The following DLGAP2 variants were observed in gnomAD, a reference collection of about 807,000 sequenced individuals.
DLGAP2 encodes disks large-associated protein 2.
Under a neutral mutation model 100.3 loss-of-function variants are expected in DLGAP2, and 26 were observed. The ratio of observed to expected loss-of-function variants is 0.26; its 90% confidence interval spans 0.19 to 0.36. The LOEUF (loss-of-function observed/expected upper bound fraction) is 0.36. DLGAP2 is among the 10% of genes least tolerant of loss of function. The probability of loss-of-function intolerance (pLI) is 1.00; values close to 1 mark genes in which losing one functional copy is unlikely to be tolerated. For missense variants in DLGAP2, 1,858 were observed against 1,453.2 expected (o/e 1.28, Z -4.53); for synonymous variants, 886 against 630.1 (o/e 1.41, Z -6.08).
intron 2 of DLGAP2, among the ~76,000 whole-genome samples, chr8:1,173,659 G>C (rs554173341): frequency 6.6e-6 from 1 of 152,160 alleles, no homozygotes. Flanking sequence ...TCAGCAAGAC[G>C]TTATGGGCGT....
intron 6 of DLGAP2, among the ~76,000 whole-genome samples, chr8:1,586,944 G>A (rs1030433344): frequency 6.6e-6 from 1 of 152,208 alleles, no homozygotes; most frequent in Non-Finnish European, 1.5e-5. Context: ...AGGAGATTCT[G>A]ACTAGAATGG....
Position 835,910 on chromosome 8 carries a change from T to A in DLGAP2, c.19-72002T>A, listed in dbSNP as rs1018266723. 5.9e-5 allele frequency among the ~76,000 whole-genome samples: 9 copies of A among 152,206 alleles called. 1 individual carries two copies. Among genetic ancestry groups the A allele is most frequent in the Admixed American group, 2.6e-4 (4 of 15,282 alleles). Reference sequence around the variant, plus strand: ...TCCTGTTACGCTGCCGTAACTGTGATGTTTGTGTATCCATCCCTTCATGTA... The same window carrying A: ...TCCTGTTACGCTGCCGTAACTGTGAAGTTTGTGTATCCATCCCTTCATGTA... On this transcript the variant is annotated intron_variant, in intron 1 of 14. Transcript: ENST00000637795.
chr8:872,110 C>T (rs914407199), intron 1 of DLGAP2, among the ~76,000 whole-genome samples: 1 of 151,984 alleles, frequency 6.6e-6, no homozygotes, highest in Non-Finnish European at 1.5e-5. Flanking sequence ...ATGTGGTTTT[C>T]TTTATGCTAT....
At chr8:1,131,338 C>A (rs1585089572) in intron 2 of DLGAP2, among the ~76,000 whole-genome samples, 1 of 152,160 alleles carries the variant, frequency 6.6e-6, no homozygotes, top group African/African-American at 2.4e-5. Flanking sequence ...TGTATCTGTT[C>A]TGGATACTCC....
intron 2 of DLGAP2, among the ~76,000 whole-genome samples, chr8:1,094,025 C>T (rs986491558): frequency 3.4e-5 from 5 of 146,820 alleles, no homozygotes; most frequent in Non-Finnish European, 6.0e-5. Context: ...GGCAGCTTCG[C>T]GGTGGGTGGA....
chr8:787,565 C>T (rs550493278), intron 1 of DLGAP2, among the ~76,000 whole-genome samples: 2 of 152,232 alleles, frequency 1.3e-5, no homozygotes, highest in Non-Finnish European at 2.9e-5. Context: ...GTCTCCCCTG[C>T]AGCCTTACTT....
chr8:1,330,628 A>G (rs1351841084), intron 3 of DLGAP2, among the ~76,000 whole-genome samples: 8 of 97,528 alleles, frequency 8.2e-5, no homozygotes, highest in East Asian at 3.5e-4. Flanking sequence ...GCACCGCTTC[A>G]CGGGGACCGA....
chr8:1,707,632 A>G lies in DLGAP2; in HGVS notation c.*6226A>G, dbSNP rs1311926690. On this transcript the variant is annotated 3_prime_UTR_variant, in exon 15 of 15. Transcript: ENST00000637795. ...CTCGGGCAGGACAGGTCCTCCCTGCAGAGAGAGACAACTCATCCCCCGACC... is the reference window on the plus strand; with the variant it reads ...CTCGGGCAGGACAGGTCCTCCCTGCGGAGAGAGACAACTCATCCCCCGACC... 1.3e-5 allele frequency: 2 copies of G among 152,190 alleles called. No individual in the cohort carries two copies. Among genetic ancestry groups the G allele is most frequent in the African/African-American group, 2.4e-5 (1 of 41,446 alleles). 9.4% of individuals were successfully genotyped at this position (152,190 alleles called of 1,614,324 possible).
chr8:773,697 A>G (rs1188749793), intron 1 of DLGAP2, among the ~76,000 whole-genome samples: 2 of 151,990 alleles, frequency 1.3e-5, no homozygotes, highest in East Asian at 3.9e-4. Context: ...TTATGGCTGC[A>G]TAGTATTCCA....
intron 3 of DLGAP2, among the ~76,000 whole-genome samples, chr8:1,314,039 C>T (rs920181196): frequency 3.3e-5 from 5 of 152,182 alleles, no homozygotes; most frequent in Admixed American, 1.3e-4. Context: ...CTTTAGAATT[C>T]GTAGCAACAC....
At chr8:1,431,240 T>A (rs529774019) in intron 3 of DLGAP2, among the ~76,000 whole-genome samples, 50 of 152,380 alleles carry the variant, frequency 3.3e-4, no homozygotes, top group African/African-American at 1.2e-3. Context: ...ATCTGACACA[T>A]CATTAGAATC....
At chr8:1,426,573 T>C (rs1797241351) in intron 3 of DLGAP2, among the ~76,000 whole-genome samples, 1 of 152,184 alleles carries the variant, frequency 6.6e-6, no homozygotes, top group Non-Finnish European at 1.5e-5. Context: ...GGTTCTGCTG[T>C]TGCCTGGAAG....
At chr8:1,646,136 G>A (rs1267955487) in intron 8 of DLGAP2, among the ~76,000 whole-genome samples, 1 of 152,142 alleles carries the variant, frequency 6.6e-6, no homozygotes, top group Non-Finnish European at 1.5e-5. Flanking sequence ...TTGGAGGGGT[G>A]GACGAGGTGA....
chr8:869,036 G>A (rs1797549950), intron 1 of DLGAP2, among the ~76,000 whole-genome samples: 1 of 152,188 alleles, frequency 6.6e-6, no homozygotes, highest in South Asian at 2.1e-4. Context: ...CTCCACAGGC[G>A]TCCTGAGTAC....
chr8:1,163,917 C>T (rs1317381195), intron 2 of DLGAP2, among the ~76,000 whole-genome samples: 1 of 152,238 alleles, frequency 6.6e-6, no homozygotes, highest in Non-Finnish European at 1.5e-5. Context: ...CCGGCGTCCG[C>T]GGGCCCTGGC....
chr8:1,698,844 T>C (rs1271259233), intron 14 of DLGAP2, among the ~76,000 whole-genome samples: 5 of 142,080 alleles, frequency 3.5e-5, no homozygotes, highest in African/African-American at 1.3e-4. Flanking sequence ...GACAGGTCCA[T>C]GTAAGCCATG....
At chr8:1,125,218 C>T (rs1218811761) in intron 2 of DLGAP2, among the ~76,000 whole-genome samples, 6 of 152,218 alleles carry the variant, frequency 3.9e-5, no homozygotes. Context: ...TAATCTGTTA[C>T]ACCGTCAGGG....
chr8:1,306,963 G>A (rs1000579171), intron 3 of DLGAP2, among the ~76,000 whole-genome samples: 5 of 152,000 alleles, frequency 3.3e-5, no homozygotes, highest in African/African-American at 9.7e-5. Context: ...GAGAGGATAA[G>A]CTTTATGACA....
At chr8:877,219 T>C (rs891446859) in intron 1 of DLGAP2, among the ~76,000 whole-genome samples, 2 of 152,218 alleles carry the variant, frequency 1.3e-5, no homozygotes, top group African/African-American at 4.8e-5. Flanking sequence ...CTCATGATTT[T>C]TTGTCAGAAA....
Sources: gnomAD v4.1 joint callset for allele counts (sites outside exome capture counted in the v4.1 genomes callset) on GRCh38, gnomAD v4.1.1 for gene constraint, MANE v1.5 for transcripts, NCBI Gene and HGNC (gene_info 2026-07-23, HGNC 2026-07-21) for gene names.